Variants in MCTP1 observed in about 807,000 individuals in gnomAD.
The protein encoded by MCTP1 is multiple C2 and transmembrane domain-containing protein 1.
Under a neutral mutation model 120.6 loss-of-function variants are expected in MCTP1, and 69 were observed. That is an observed-to-expected ratio of 0.57 (90% confidence interval 0.47 to 0.70). The LOEUF (loss-of-function observed/expected upper bound fraction) is 0.70. Ranked by LOEUF, MCTP1 falls within the 30% of genes least tolerant of loss-of-function variation. The pLI, the probability that MCTP1 is intolerant of heterozygous loss-of-function variation, is 0.00. For missense variants in MCTP1, 1,203 were observed against 1,248.8 expected, an observed-to-expected ratio of 0.96 and a Z score of 0.55; for synonymous variants, 529 against 493.1, an observed-to-expected ratio of 1.07 and a Z score of -0.96.
chr5:95,138,851 G>GT (rs1342266793), intron 1 of MCTP1, among the ~76,000 whole-genome samples: 1 of 152,158 alleles, frequency 6.6e-6, no homozygotes, highest in African/African-American at 2.4e-5. Flanking sequence ...TTTTTAACTA[G>GT]TTGTAATGTA....
At position 95,134,508 on chromosome 5, in the gene MCTP1, G is replaced by A. The variant is rs145270559; in HGVS notation, c.721-117024C>T. Among the ~76,000 whole-genome samples, 20 of 152,298 alleles carry A rather than the reference G, an allele frequency of 1.3e-4. No homozygotes were observed. In the East Asian group the frequency reaches 3.1e-3, roughly 24 times the overall value. On this transcript the variant is annotated intron_variant, in intron 1 of 22. Transcript: ENST00000515393. Reference sequence around the variant, plus strand: ...GTCAGTTCTGCTGATTCAGTCACTCGTGCAGCTGCAGTCCTTCCGCTTTTC... The same window carrying A: ...GTCAGTTCTGCTGATTCAGTCACTCATGCAGCTGCAGTCCTTCCGCTTTTC...
At position 95,284,088 on chromosome 5, in the gene MCTP1, G is replaced by A; in HGVS notation, c.488C>T (p.Ser163Leu). 6.4e-7 allele frequency: 1 copy of A among 1,550,822 alleles called. No individual in the cohort carries two copies. Among genetic ancestry groups the A allele is most frequent in the Non-Finnish European group, 8.7e-7 (1 of 1,146,974 alleles). ...CTGGGGCGAGGAGGACAGGGAGGAT[G>A]AGGCGGAGGAAGAGGAAGGAGCTGA... ...PDSAPSSSSA[S>L]SSLSSSPQPP... The change falls in exon 1 of 23, where the codon TCA (serine) becomes TTA (leucine). Residue 163 changes from serine to leucine, a missense_variant. Coordinates refer to ENST00000515393, the MANE Select transcript of MCTP1 (RefSeq NM_024717.7). This position sits in a 1 kb window ranked among gnomAD's most constrained non-coding sequence, Gnocchi z 5.2.
chr5:95,069,388 T>A (rs1027796581), intron 1 of MCTP1, among the ~76,000 whole-genome samples: 5 of 151,896 alleles, frequency 3.3e-5, no homozygotes, highest in Non-Finnish European at 5.9e-5. Flanking sequence ...TCAAACATAA[T>A]AAAGTAACTG....
At chr5:94,998,694 G>A (rs147973489) in intron 2 of MCTP1, among the ~76,000 whole-genome samples, 53 of 152,260 alleles carry the variant, frequency 3.5e-4, no homozygotes, top group African/African-American at 1.3e-3. Flanking sequence ...TGCAGAGACT[G>A]TGCACAAAAT....
intron 1 of MCTP1, among the ~76,000 whole-genome samples, chr5:95,168,130 C>T (rs934513271): frequency 7.2e-5 from 11 of 152,320 alleles, no homozygotes; most frequent in Middle Eastern, 3.4e-3. Context: ...CCAGTTTTCT[C>T]AGCACCATTT....
At chr5:95,129,959 C>T (rs1758922981) in intron 1 of MCTP1, among the ~76,000 whole-genome samples, 1 of 151,916 alleles carries the variant, frequency 6.6e-6, no homozygotes, top group East Asian at 1.9e-4. Flanking sequence ...CCCTGCCCAG[C>T]CAGAGGATGG....
intron 1 of MCTP1, among the ~76,000 whole-genome samples, chr5:95,099,535 C>T (rs1234443987): frequency 7.3e-5 from 11 of 151,490 alleles, no homozygotes. Context: ...CTCGCCATCA[C>T]TGGCCATCAG....
intron 18 of MCTP1, chr5:94,791,722 A>G (rs182135058): frequency 6.6e-6 from 1 of 152,368 alleles, no homozygotes; most frequent in Admixed American, 6.5e-5. Context: ...AGAAAACAGT[A>G]GAAGGCATAG....
intron 1 of MCTP1, among the ~76,000 whole-genome samples, chr5:95,103,800 C>T (rs1454719382): frequency 6.6e-6 from 1 of 152,162 alleles, no homozygotes; most frequent in Non-Finnish European, 1.5e-5. Context: ...CAAATTGCTA[C>T]AACTCAATAT....
At chr5:94,842,358 T>C (rs1226783458) in intron 17 of MCTP1, among the ~76,000 whole-genome samples, 2 of 152,152 alleles carry the variant, frequency 1.3e-5, no homozygotes, top group African/African-American at 4.8e-5. Context: ...CACACACACA[T>C]ACTGGGTCTA....
intron 1 of MCTP1, among the ~76,000 whole-genome samples, chr5:95,100,871 A>T (rs1235579709): frequency 6.6e-6 from 1 of 152,232 alleles, no homozygotes; most frequent in African/African-American, 2.4e-5. Flanking sequence ...ATTCAAACAA[A>T]ACAAACTAAC....
chr5:94,738,055 G>A (rs1467817257), intron 19 of MCTP1, among the ~76,000 whole-genome samples: 1 of 152,184 alleles, frequency 6.6e-6, no homozygotes, highest in Non-Finnish European at 1.5e-5. Flanking sequence ...CGAATAATGC[G>A]TGCTCACCAC....
intron 1 of MCTP1, among the ~76,000 whole-genome samples, chr5:95,053,710 G>A (rs1233456065): frequency 6.6e-6 from 1 of 152,146 alleles, no homozygotes; most frequent in East Asian, 1.9e-4. Flanking sequence ...CAAGCAGTAG[G>A]TGAGGGGCTC....
In MCTP1 at chr5:95,176,182, T is replaced by A. The variant is rs145143115; in HGVS notation, c.720+107674A>T. Among the ~76,000 whole-genome samples the A allele has an allele frequency of 1.3e-3, 204 of 152,270 alleles. 3 individuals carry two copies. The South Asian group carries it at 0.035, about 26-fold the overall frequency. On this transcript the variant is annotated intron_variant, in intron 1 of 22. Coordinates refer to ENST00000515393, the MANE Select transcript of MCTP1 (RefSeq NM_024717.7). ...ATAAAATGTATTTTTTTTTAACAAA[T>A]ATTTGTTTAGTATGCCCAGCACTAT... is the stretch of plus-strand genomic sequence containing the variant.
At chr5:95,241,100 T>A (rs1043453238) in intron 1 of MCTP1, among the ~76,000 whole-genome samples, 6 of 152,186 alleles carry the variant, frequency 3.9e-5, no homozygotes, top group African/African-American at 1.2e-4. Flanking sequence ...ATTGAGCACA[T>A]ACTATATAAT....
At chr5:95,041,311 G>GAAAAAAAAAAAAAAAAAA (rs58379749) in intron 1 of MCTP1, among the ~76,000 whole-genome samples, 140 of 89,618 alleles carry the variant, frequency 1.6e-3, no homozygotes, top group Non-Finnish European at 2.0e-3. Flanking sequence ...CCCATGCTCT[G>GAAAAAAAAAAAAAAAAAA]AAAAAAAAAA....
intron 19 of MCTP1, among the ~76,000 whole-genome samples, chr5:94,725,078 G>A (rs983556065): frequency 6.6e-5 from 10 of 152,158 alleles, no homozygotes; most frequent in Non-Finnish European, 8.8e-5. Flanking sequence ...TTGTGGAAAG[G>A]TTTTGAAATG....
intron 17 of MCTP1, among the ~76,000 whole-genome samples, chr5:94,857,743 T>A (rs1453418293): frequency 1.3e-5 from 2 of 151,634 alleles, no homozygotes; most frequent in African/African-American, 4.8e-5. Context: ...CACTCCAGTA[T>A]CTCCAATAAC....
intron 6 of MCTP1, among the ~76,000 whole-genome samples, chr5:94,929,200 GT>G (rs766553337): frequency 1.8e-4 from 27 of 152,074 alleles, no homozygotes; most frequent in Admixed American, 4.6e-4. Context: ...AAGAAACCAA[GT>G]AAAGGAAGAA....
Sources: allele counts gnomAD v4.1 joint callset (sites outside exome capture counted in the v4.1 genomes callset), GRCh38; gene constraint gnomAD v4.1.1; non-coding constraint Gnocchi (gnomAD v3.1); transcripts MANE v1.5; gene names NCBI Gene and HGNC (gene_info 2026-07-23, HGNC 2026-07-21).